The following SH3PXD2B variants were observed in gnomAD, a reference collection of about 807,000 sequenced individuals.
SH3PXD2B encodes the protein SH3 and PX domain-containing protein 2B.
In SH3PXD2B, 37 loss-of-function variants were observed where a neutral mutation model predicts 73.1. The observed-to-expected ratio is 0.51, with a 90% CI of 0.39 to 0.67. SH3PXD2B has a LOEUF of 0.67. SH3PXD2B is among the 30% of genes least tolerant of loss of function. The pLI is 0.00. For synonymous variants in SH3PXD2B, 457 were observed against 480.5 expected, an observed-to-expected ratio of 0.95 and a Z score of 0.64; for missense variants, 1,053 against 1,197.8, an observed-to-expected ratio of 0.88 and a Z score of 1.78.
At chr5:172,426,004 G>A (rs1581330270) in intron 1 of SH3PXD2B, among the ~76,000 whole-genome samples, 1 of 151,756 alleles carries the variant, frequency 6.6e-6, no homozygotes, top group East Asian at 1.9e-4. Flanking sequence ...CTGCCAACAG[G>A]GATTAAAAAA....
Position 172,339,122 on chromosome 5 carries a change from GA to G in SH3PXD2B, c.1982del (p.Val661AlafsTer29). 1 of 1,614,184 alleles carries G rather than the reference GA, an allele frequency of 6.2e-7. No individual in the cohort carries two copies. Among genetic ancestry groups the G allele is most frequent in the Non-Finnish European group, 8.5e-7 (1 of 1,180,034 alleles). On this transcript the variant is annotated frameshift_variant, in exon 13 of 13. Transcript: ENST00000311601. LOFTEE classifies it low-confidence loss of function (END_TRUNC). The surrounding 1 kb of genome is among the most constrained non-coding windows in gnomAD (Gnocchi z 6.1). ...KTEPPQGEDQVDICNLRSKLR... is the reference protein window; with the variant it reads ...KTEPPQGEDQXDICNLRSKLR... ...GCTTACTCCTGAGGTTGCAGATGTC[GA>G]CTTGGTCTTCGCCCTGAGGTGGCTC...
At chr5:172,330,638 C>T (rs570830571), downstream of SH3PXD2B, among the ~76,000 whole-genome samples, 2 of 152,302 alleles carry the variant, frequency 1.3e-5, no homozygotes, top group African/African-American at 4.8e-5. Context: ...ACACTTATTT[C>T]CAAATTCCTA....
At chr5:172,350,287 C>A (rs565017439) in intron 10 of SH3PXD2B, 76 bp downstream of exon 10, 10 of 1,439,148 alleles carry the variant, frequency 6.9e-6, no homozygotes, top group Non-Finnish European at 9.6e-6. Flanking sequence ...GGATGAGGGA[C>A]GATGTGAGAC....
intron 6 of SH3PXD2B, among the ~76,000 whole-genome samples, chr5:172,368,940 G>A (rs1177909832): frequency 6.9e-6 from 1 of 145,828 alleles, no homozygotes; most frequent in Non-Finnish European, 1.5e-5. Flanking sequence ...TGTTGCCCAG[G>A]CTGGAGTACA....
chr5:172,338,763 G>A lies in SH3PXD2B; in HGVS notation c.2342C>T (p.Pro781Leu). 1 of 1,614,206 alleles carries A rather than the reference G, an allele frequency of 6.2e-7. No homozygotes were observed. Among genetic ancestry groups the A allele is most frequent in the Non-Finnish European group, 8.5e-7 (1 of 1,180,046 alleles). Residue 781 changes from proline to leucine, a missense_variant, in exon 13 of 13, where the codon CCA becomes CTA. Transcript: ENST00000311601. This position sits in a 1 kb window ranked among gnomAD's most constrained non-coding sequence, Gnocchi z 5.1. Reference sequence around the variant, plus strand: ...CCTGCTTTCGTGGCCTTCACACTGTGGACCTCTGACCTCTGGGAGCGGCCT... The same window carrying A: ...CCTGCTTTCGTGGCCTTCACACTGTAGACCTCTGACCTCTGGGAGCGGCCT... The part of the protein sequence containing the change: ...SSRPLPEVRG[P>L]QCEGHESRAA...
At chr5:172,386,767 A>T (rs2113382589) in intron 4 of SH3PXD2B, among the ~76,000 whole-genome samples, 2 of 152,166 alleles carry the variant, frequency 1.3e-5, no homozygotes, top group Middle Eastern at 6.8e-3. Flanking sequence ...AGCTGGGGTT[A>T]CAGGCGTGCA....
chr5:172,375,954 C>T (rs1757811466), intron 5 of SH3PXD2B, among the ~76,000 whole-genome samples: 1 of 152,066 alleles, frequency 6.6e-6, no homozygotes, highest in Non-Finnish European at 1.5e-5. Flanking sequence ...AGTGACTGCA[C>T]CATTTTATAT....
intron 6 of SH3PXD2B, among the ~76,000 whole-genome samples, chr5:172,366,839 G>C (rs187800770): frequency 6.6e-6 from 1 of 151,356 alleles, no homozygotes; most frequent in Non-Finnish European, 1.5e-5. Flanking sequence ...TCACCATGTT[G>C]GCAAGGGTGG....
intron 9 of SH3PXD2B, among the ~76,000 whole-genome samples, chr5:172,352,988 C>T (rs1757191042): frequency 6.6e-6 from 1 of 152,074 alleles, no homozygotes; most frequent in Non-Finnish European, 1.5e-5. Flanking sequence ...CTTCTGTGTA[C>T]CAAAGTCCCC....
At chr5:172,367,415 T>C (rs753150551) in intron 6 of SH3PXD2B, among the ~76,000 whole-genome samples, 5 of 150,650 alleles carry the variant, frequency 3.3e-5, no homozygotes, top group South Asian at 4.2e-4. Flanking sequence ...TCAAATAGAT[T>C]TGGGGTTTCA....
intron 4 of SH3PXD2B, among the ~76,000 whole-genome samples, chr5:172,390,244 T>G (rs1758151291): frequency 6.6e-6 from 1 of 152,238 alleles, no homozygotes; most frequent in Admixed American, 6.5e-5. Context: ...TGATCTGCTT[T>G]TTGCCTCCAT....
chr5:172,332,887 G>A (rs1211045538), downstream of SH3PXD2B, among the ~76,000 whole-genome samples: 2 of 151,466 alleles, frequency 1.3e-5, no homozygotes, highest in Non-Finnish European at 2.9e-5. Flanking sequence ...GGCAGTCTCT[G>A]CGGCCCAAAT....
intron 1 of SH3PXD2B, among the ~76,000 whole-genome samples, chr5:172,441,803 C>T (rs1369880417): frequency 6.6e-6 from 1 of 152,020 alleles, no homozygotes; most frequent in African/African-American, 2.4e-5. Context: ...TGCTCTCAGA[C>T]CCTGGGGACA....
chr5:172,394,692 C>G, intron 3 of SH3PXD2B, 53 bp from the exon 4 acceptor site: 2 of 1,593,582 alleles, frequency 1.3e-6, no homozygotes, highest in South Asian at 2.2e-5. Context: ...GACAAGCTCT[C>G]AGCAACCTGA....
chr5:172,454,098 G>A (rs1759868652), intron 1 of SH3PXD2B, among the ~76,000 whole-genome samples, 180 bp downstream of exon 1: 1 of 149,536 alleles, frequency 6.7e-6, no homozygotes, highest in East Asian at 2.0e-4. Context: ...GCGGGGAGGG[G>A]AGGGGAGGGA....
chr5:172,372,686 A>G (rs769186122), intron 6 of SH3PXD2B, among the ~76,000 whole-genome samples: 13 of 152,196 alleles, frequency 8.5e-5, no homozygotes, highest in Non-Finnish European at 1.5e-4. Context: ...AAATCCTATA[A>G]TAATCCCACA....
chr5:172,381,795 G>A (rs1757953399), intron 5 of SH3PXD2B, among the ~76,000 whole-genome samples: 1 of 152,228 alleles, frequency 6.6e-6, no homozygotes, highest in Non-Finnish European at 1.5e-5. Context: ...GATAAGTGCT[G>A]TGGGCAGGTG....
At chr5:172,358,985 G>T in intron 7 of SH3PXD2B, 108 bp from the exon 8 acceptor site, 1 of 1,041,916 alleles carries the variant, frequency 9.6e-7, no homozygotes, top group South Asian at 1.4e-5. Flanking sequence ...ACAGGGTAAG[G>T]CTAAAGTTAC....
intron 2 of SH3PXD2B, among the ~76,000 whole-genome samples, chr5:172,410,400 G>A (rs1315384561): frequency 1.3e-5 from 2 of 152,188 alleles, no homozygotes; most frequent in African/African-American, 4.8e-5. Context: ...TTCAGAGACA[G>A]GTGAGGCCAC....
Sources: gnomAD v4.1 joint callset for allele counts (sites outside exome capture counted in the v4.1 genomes callset) on GRCh38, gnomAD v4.1.1 for gene constraint, Gnocchi (gnomAD v3.1) non-coding constraint, MANE v1.5 for transcripts, NCBI Gene and HGNC (gene_info 2026-07-23, HGNC 2026-07-21) for gene names.